RAD51B: variants seen among roughly 807,000 people sequenced by gnomAD.
The protein encoded by RAD51B is DNA repair protein RAD51 homolog 2.
RAD51B carries 38 observed loss-of-function variants against 42.2 expected under a neutral mutation model. That is an observed-to-expected ratio of 0.90 (90% CI 0.70 to 1.18). The LOEUF is 1.18. Ranked by LOEUF, RAD51B falls within the 50% of genes most tolerant of loss-of-function variation. The pLI, the probability that RAD51B is intolerant of heterozygous loss-of-function variation, is 0.00. For missense variants in RAD51B, 373 were observed against 400.7 expected, an observed-to-expected ratio of 0.93 and a Z score of 0.59; for synonymous variants, 154 against 145.2, an observed-to-expected ratio of 1.06 and a Z score of -0.43.
At chr14:67,930,336 T>A (rs1482149361) in intron 7 of RAD51B, among the ~76,000 whole-genome samples, 1 of 152,170 alleles carries the variant, frequency 6.6e-6, no homozygotes, top group Non-Finnish European at 1.5e-5. Flanking sequence ...TTTGTGTGTG[T>A]GTGTGTTTTT....
chr14:67,973,418 C>T (rs955034129), intron 7 of RAD51B, among the ~76,000 whole-genome samples: 1 of 152,124 alleles, frequency 6.6e-6, no homozygotes, highest in African/African-American at 2.4e-5. Flanking sequence ...AGACAGCACA[C>T]ACACACAAAA....
intron 10 of RAD51B, among the ~76,000 whole-genome samples, chr14:68,570,723 C>T (rs1408697992): frequency 6.6e-6 from 1 of 152,244 alleles, no homozygotes; most frequent in East Asian, 1.9e-4. Flanking sequence ...AGGGTAAATA[C>T]TGTCCAGGCC....
intron 10 of RAD51B, among the ~76,000 whole-genome samples, chr14:68,589,140 A>G (rs1170003617): frequency 2.0e-5 from 3 of 152,224 alleles, no homozygotes; most frequent in Non-Finnish European, 2.9e-5. Flanking sequence ...TAACAGAATT[A>G]CTGGCGGATT....
chr14:68,122,869 T>A (rs115723601), intron 7 of RAD51B, among the ~76,000 whole-genome samples: 393 of 152,330 alleles, frequency 2.6e-3, no homozygotes, highest in African/African-American at 9.2e-3. Context: ...GAAGAAGTTC[T>A]GCAGTGGTAA....
chr14:68,053,498 A>C (rs1036157603), intron 7 of RAD51B, among the ~76,000 whole-genome samples: 11 of 152,178 alleles, frequency 7.2e-5, no homozygotes, highest in Non-Finnish European at 1.5e-4. Flanking sequence ...CCTGGCTTCT[A>C]GAAAATGCTC....
At chr14:67,891,346 C>T (rs1315293461) in intron 7 of RAD51B, among the ~76,000 whole-genome samples, 1 of 152,018 alleles carries the variant, frequency 6.6e-6, no homozygotes, top group Non-Finnish European at 1.5e-5. Context: ...TTTTCTGTGG[C>T]CATCTGTGTT....
At chr14:68,200,468 A>G (rs1450004440) in intron 7 of RAD51B, among the ~76,000 whole-genome samples, 1 of 152,218 alleles carries the variant, frequency 6.6e-6, no homozygotes, top group African/African-American at 2.4e-5. Flanking sequence ...TTTACTATGG[A>G]AAATTCTTGA....
At chr14:67,874,532 C>G (rs1007050303) in intron 5 of RAD51B, among the ~76,000 whole-genome samples, 1 of 151,902 alleles carries the variant, frequency 6.6e-6, no homozygotes, top group Non-Finnish European at 1.5e-5. Context: ...AGTTGGACAC[C>G]CTTGAATTAG....
chr14:68,556,723 T>C (rs1160590713), intron 10 of RAD51B, among the ~76,000 whole-genome samples: 2 of 152,178 alleles, frequency 1.3e-5, no homozygotes, highest in Non-Finnish European at 2.9e-5. Flanking sequence ...CAGTTACATA[T>C]GTTTCTTTGA....
chr14:68,626,776 C>CT, intron 10 of RAD51B, among the ~76,000 whole-genome samples: 1 of 152,332 alleles, frequency 6.6e-6, no homozygotes, highest in South Asian at 2.1e-4. Flanking sequence ...CTAGCATATT[C>CT]TGTTGGTCAA....
chr14:67,876,881 A>G (rs2042746548), intron 5 of RAD51B, among the ~76,000 whole-genome samples: 1 of 152,158 alleles, frequency 6.6e-6, no homozygotes, highest in Non-Finnish European at 1.5e-5. Context: ...CCAGGGAGGG[A>G]GGAGATTTTA....
intron 5 of RAD51B, 60 bp downstream of exon 5, chr14:67,865,199 AC>A: frequency 7.1e-7 from 1 of 1,406,358 alleles, no homozygotes; most frequent in Non-Finnish European, 9.4e-7. Flanking sequence ...ACAGCATGAA[AC>A]ATTTACACAT....
chr14:68,499,591 G>A (rs1884779969), intron 10 of RAD51B, among the ~76,000 whole-genome samples: 1 of 152,186 alleles, frequency 6.6e-6, no homozygotes, highest in Admixed American at 6.5e-5. Flanking sequence ...AACGGTCTTT[G>A]CAGAGGTAAT....
intron 7 of RAD51B, among the ~76,000 whole-genome samples, chr14:68,242,956 T>A (rs1309058082): frequency 6.6e-6 from 1 of 152,172 alleles, no homozygotes; most frequent in African/African-American, 2.4e-5. Context: ...TGCTAGAGGC[T>A]GTCTGCTGAT....
chr14:68,346,843 C>G (rs2082686849), intron 8 of RAD51B, among the ~76,000 whole-genome samples: 1 of 152,180 alleles, frequency 6.6e-6, no homozygotes, highest in African/African-American at 2.4e-5. Context: ...TACACTAGAA[C>G]CATTGTGAAT....
intron 8 of RAD51B, among the ~76,000 whole-genome samples, chr14:68,311,445 G>A (rs942888670): frequency 6.6e-6 from 1 of 152,038 alleles, no homozygotes; most frequent in Non-Finnish European, 1.5e-5. Flanking sequence ...CTTTTCAAAG[G>A]GTATCCTGTT....
intron 8 of RAD51B, among the ~76,000 whole-genome samples, chr14:68,407,695 G>A (rs2084313695): frequency 1.3e-5 from 2 of 152,202 alleles, no homozygotes; most frequent in South Asian, 4.1e-4. Flanking sequence ...TTTACAGGAG[G>A]AAGACATTAT....
At chr14:67,934,550 G>A (rs2044864822) in intron 7 of RAD51B, among the ~76,000 whole-genome samples, 1 of 152,072 alleles carries the variant, frequency 6.6e-6, no homozygotes, top group South Asian at 2.1e-4. Flanking sequence ...CCCTCAGAGA[G>A]TTGATAGCTA....
intron 7 of RAD51B, among the ~76,000 whole-genome samples, chr14:67,978,255 G>A (rs963539441): frequency 6.6e-6 from 1 of 151,942 alleles, no homozygotes; most frequent in African/African-American, 2.4e-5. Flanking sequence ...CTTTAGTACT[G>A]GAATATTTGA....
Sources: gnomAD v4.1 joint callset for allele counts (sites outside exome capture counted in the v4.1 genomes callset) on GRCh38, gnomAD v4.1.1 for gene constraint, MANE v1.5 for transcripts, NCBI Gene and HGNC (gene_info 2026-07-23, HGNC 2026-07-21) for gene names.